The following BNC2 variants were observed in gnomAD, a reference collection of about 807,000 sequenced individuals.
BNC2 encodes the protein basonuclin zinc finger protein 2, also known as zinc finger protein basonuclin-2.
In BNC2, 20 loss-of-function variants were observed where a neutral mutation model predicts 76.3. The ratio of observed to expected loss-of-function variants is 0.26; its 90% confidence interval spans 0.18 to 0.38. The LOEUF (loss-of-function observed/expected upper bound fraction) is 0.38. Ranked by LOEUF, BNC2 falls within the 10% of genes least tolerant of loss-of-function variation. BNC2 has a pLI of 1.00. For synonymous variants in BNC2, 582 were observed against 514.8 expected, an observed-to-expected ratio of 1.13 and a Z score of -1.77; for missense variants, 1,382 against 1,399.8, an observed-to-expected ratio of 0.99 and a Z score of 0.20.
intron 3 of BNC2, among the ~76,000 whole-genome samples, chr9:16,663,673 A>C (rs184030260): frequency 3.3e-5 from 5 of 152,312 alleles, no homozygotes; most frequent in Admixed American, 6.5e-5. Flanking sequence ...CATTTCAAAA[A>C]TCTCAGAAAG....
At chr9:16,444,930 GA>G (rs750205339) in intron 5 of BNC2, among the ~76,000 whole-genome samples, 2 of 152,054 alleles carry the variant, frequency 1.3e-5, no homozygotes, top group Non-Finnish European at 2.9e-5. Context: ...TACTATTTCA[GA>G]GTCATTTTTT....
chr9:16,792,418 A>G (rs558810527), intron 1 of BNC2, among the ~76,000 whole-genome samples: 1 of 152,318 alleles, frequency 6.6e-6, no homozygotes, highest in African/African-American at 2.4e-5. Context: ...GTCATTGAGA[A>G]GGGTATAATA....
intron 5 of BNC2, among the ~76,000 whole-genome samples, chr9:16,533,952 G>C (rs1380619871): frequency 6.6e-6 from 1 of 151,704 alleles, no homozygotes; most frequent in South Asian, 2.1e-4. Context: ...AGATTTCAAT[G>C]TAACTACAAA....
intron 1 of BNC2, among the ~76,000 whole-genome samples, chr9:16,757,284 C>G (rs995631184): frequency 2.0e-5 from 3 of 152,150 alleles, no homozygotes; most frequent in Non-Finnish European, 4.4e-5. Flanking sequence ...GATCTTAAAT[C>G]TCTTGCTATA....
chr9:16,781,778 T>A (rs1464211439), intron 1 of BNC2, among the ~76,000 whole-genome samples: 1 of 152,228 alleles, frequency 6.6e-6, no homozygotes, highest in Non-Finnish European at 1.5e-5. Context: ...TAGAATATTA[T>A]ACAGCCATTA....
intron 3 of BNC2, among the ~76,000 whole-genome samples, chr9:16,598,333 A>G (rs1244859283): frequency 6.6e-6 from 1 of 152,230 alleles, no homozygotes; most frequent in Non-Finnish European, 1.5e-5. Context: ...AAAGTGATGA[A>G]GTTGCTAAAA....
chr9:16,638,712 G>T lies in BNC2; in HGVS notation c.331-55627C>A, dbSNP rs190499663. On this transcript the variant is annotated intron_variant, in intron 3 of 6. Transcript: ENST00000380672. Reference sequence around the variant, plus strand: ...AAAAGAAAAAAAAACCTTCATCTACGAAAATACACTAAACAGAAAATGGCA... The same window carrying T: ...AAAAGAAAAAAAAACCTTCATCTACTAAAATACACTAAACAGAAAATGGCA... 1.4e-4 allele frequency among the ~76,000 whole-genome samples: 21 copies of T among 151,994 alleles called. No individual in the cohort carries two copies. The East Asian group carries it at 3.9e-3, about 28-fold the overall frequency.
chr9:16,435,015 A>G (rs1472463288), intron 6 of BNC2: 1 of 471,402 alleles, frequency 2.1e-6, no homozygotes, highest in South Asian at 1.5e-5. Context: ...GTAAGGAATG[A>G]TAACATTACT....
chr9:16,531,313 TCTC>T (rs576164425), intron 5 of BNC2, among the ~76,000 whole-genome samples: 284 of 151,654 alleles, frequency 1.9e-3, no homozygotes, highest in African/African-American at 6.3e-3. Context: ...TCCAAAGGCT[TCTC>T]CTTCACATGT....
chr9:16,826,571 A>G (rs1230018097), intron 1 of BNC2, among the ~76,000 whole-genome samples: 2 of 152,164 alleles, frequency 1.3e-5, no homozygotes, highest in African/African-American at 4.8e-5. Context: ...GAAAATTTTA[A>G]ACTTGAGATT....
intron 3 of BNC2, among the ~76,000 whole-genome samples, chr9:16,673,441 AAAACAC>A: frequency 6.9e-6 from 1 of 145,560 alleles, no homozygotes; most frequent in South Asian, 2.3e-4. Context: ...AAAAAAAAAA[AAAACAC>A]ACACACACAC....
intron 5 of BNC2, among the ~76,000 whole-genome samples, chr9:16,491,473 T>C (rs1351756439): frequency 6.6e-6 from 1 of 152,142 alleles, no homozygotes; most frequent in Non-Finnish European, 1.5e-5. Context: ...AAAACACACA[T>C]AAAACTCCTA....
chr9:16,591,853 A>C (rs1819938803), intron 3 of BNC2, among the ~76,000 whole-genome samples: 1 of 152,216 alleles, frequency 6.6e-6, no homozygotes, highest in African/African-American at 2.4e-5. Context: ...AGGTCCTTAC[A>C]TTTGTCTAAT....
intron 5 of BNC2, among the ~76,000 whole-genome samples, chr9:16,508,730 C>G (rs1822687463): frequency 6.6e-6 from 1 of 152,164 alleles, no homozygotes; most frequent in South Asian, 2.1e-4. Context: ...TTTCAACTAT[C>G]TGCTTTTCTT....
intron 1 of BNC2, among the ~76,000 whole-genome samples, chr9:16,832,524 A>C (rs548436282): frequency 1.2e-3 from 178 of 152,322 alleles, no homozygotes; most frequent in African/African-American, 4.2e-3. Context: ...CTGACTGTAA[A>C]ACAAGTGAAT....
chr9:16,706,169 G>A (rs1055797146), intron 3 of BNC2, among the ~76,000 whole-genome samples: 3 of 152,110 alleles, frequency 2.0e-5, no homozygotes, highest in African/African-American at 7.2e-5. Context: ...AGTTAACAGA[G>A]GTCATAGTTT....
chr9:16,701,700 G>C (rs933907295), intron 3 of BNC2, among the ~76,000 whole-genome samples: 4 of 151,690 alleles, frequency 2.6e-5, no homozygotes, highest in African/African-American at 9.7e-5. Flanking sequence ...CCAGCACTTT[G>C]GAAGGCTGAG....
chr9:16,732,166 A>AAAAAAAAAAG (rs1288838147), intron 2 of BNC2, among the ~76,000 whole-genome samples: 1 of 147,830 alleles, frequency 6.8e-6, no homozygotes, highest in African/African-American at 2.5e-5. Flanking sequence ...GCAAAAAAAA[A>AAAAAAAAAAG]AGAAAAAGAA....
At chr9:16,781,339 T>A (rs1826149382) in intron 1 of BNC2, among the ~76,000 whole-genome samples, 1 of 152,146 alleles carries the variant, frequency 6.6e-6, no homozygotes, top group Non-Finnish European at 1.5e-5. Context: ...AACTTTATTA[T>A]TATTATTATG....
Sources: allele counts gnomAD v4.1 joint callset (sites outside exome capture counted in the v4.1 genomes callset), GRCh38; gene constraint gnomAD v4.1.1; transcripts MANE v1.5; gene names NCBI Gene and HGNC (gene_info 2026-07-23, HGNC 2026-07-21).